Variants in ODAD2 observed in about 807,000 individuals in gnomAD.
The protein encoded by ODAD2 is outer dynein arm-docking complex subunit 2.
ODAD2 carries 89 observed loss-of-function variants against 106.8 expected under a neutral mutation model. The ratio of observed to expected loss-of-function variants is 0.83; its 90% CI spans 0.70 to 0.99. ODAD2 has a LOEUF of 0.99. ODAD2 is among the 50% of genes least tolerant of loss of function. ODAD2 has a pLI of 0.00. For synonymous variants in ODAD2, 404 were observed against 436.2 expected (o/e 0.93, Z 0.92); for missense variants, 1,168 against 1,238.5 (o/e 0.94, Z 0.85).
chr10:27,850,078 A>C (rs538889575), intron 19 of ODAD2, among the ~76,000 whole-genome samples: 3 of 152,326 alleles, frequency 2.0e-5, no homozygotes, highest in African/African-American at 7.2e-5. Flanking sequence ...GTCACATCAT[A>C]TATTGATGGT....
At chr10:27,883,050 C>T (rs995907044) in intron 17 of ODAD2, among the ~76,000 whole-genome samples, 1 of 151,792 alleles carries the variant, frequency 6.6e-6, no homozygotes, top group Non-Finnish European at 1.5e-5. Context: ...ACAACACATT[C>T]CTGGGAATCT....
intron 10 of ODAD2, among the ~76,000 whole-genome samples, chr10:27,956,680 T>C (rs1847758388): frequency 6.6e-6 from 1 of 152,160 alleles, no homozygotes; most frequent in Admixed American, 6.5e-5. Flanking sequence ...CTTCTCAATG[T>C]TTTACTGGAT....
At chr10:27,954,727 G>T (rs1309733349) in intron 10 of ODAD2, among the ~76,000 whole-genome samples, 1 of 152,216 alleles carries the variant, frequency 6.6e-6, no homozygotes, top group Admixed American at 6.5e-5. Context: ...AAAGTTTAAA[G>T]CTCAAAAATT....
At chr10:27,822,129 C>A (rs1346100056) in intron 19 of ODAD2, among the ~76,000 whole-genome samples, 1 of 152,156 alleles carries the variant, frequency 6.6e-6, no homozygotes, top group Non-Finnish European at 1.5e-5. Context: ...AAGGTTCATG[C>A]CCTCGGCATG....
In ODAD2 at chr10:27,940,594, A is replaced by G. The variant is rs1228503693; in HGVS notation, c.1955T>C (p.Val652Ala). ...TGCACACTCTTGCAATGTCCCCACC[A>G]CTGGAATTAGCATGTTTTCATGAGA... The part of the protein sequence containing the change: ...KTSHENMLIP[V>A]VGTLQECASE... The change falls in exon 13 of 20, where the codon GTG becomes GCG. Residue 652 changes from valine to alanine, a missense_variant. Val to Ala is a moderately conservative substitution (Grantham distance 64, BLOSUM62 0). This residue lies in a region of ODAD2 where 701 missense variants were observed against 712.3 expected (regional missense o/e 0.98). Transcript: ENST00000305242. 1 of 1,613,964 alleles carries G rather than the reference A, an allele frequency of 6.2e-7. No homozygotes were observed. Among genetic ancestry groups the G allele is most frequent in the Admixed American group, 1.7e-5 (1 of 59,990 alleles).
At chr10:27,963,835 T>C (rs896840458) in intron 9 of ODAD2, among the ~76,000 whole-genome samples, 9 of 152,004 alleles carry the variant, frequency 5.9e-5, no homozygotes, top group African/African-American at 2.2e-4. Context: ...GCCACAAGAG[T>C]TCCGGACAAC....
intron 19 of ODAD2, among the ~76,000 whole-genome samples, chr10:27,858,752 T>C (rs527829337): frequency 6.6e-5 from 10 of 152,134 alleles, no homozygotes; most frequent in Non-Finnish European, 1.5e-4. Context: ...GCGAGTTGCA[T>C]ATACACCAGG....
At chr10:27,870,235 C>T (rs892425240) in intron 17 of ODAD2, among the ~76,000 whole-genome samples, 5 of 152,150 alleles carry the variant, frequency 3.3e-5, no homozygotes, top group Admixed American at 6.5e-5. Flanking sequence ...CTTTTCTCTC[C>T]CAATCTCAAT....
At chr10:27,819,608 C>T (rs571415550) in intron 19 of ODAD2, among the ~76,000 whole-genome samples, 1 of 141,114 alleles carries the variant, frequency 7.1e-6, no homozygotes, top group Non-Finnish European at 1.5e-5. Context: ...AAAAGTTAAC[C>T]AGACATAGGT....
At chr10:27,873,958 T>A (rs1246295835) in intron 17 of ODAD2, among the ~76,000 whole-genome samples, 1 of 152,216 alleles carries the variant, frequency 6.6e-6, no homozygotes, top group Non-Finnish European at 1.5e-5. Context: ...CAGTGGGGTG[T>A]TAAAGTCTCC....
chr10:27,916,936 C>A (rs1173504792), intron 16 of ODAD2, among the ~76,000 whole-genome samples: 1 of 152,012 alleles, frequency 6.6e-6, no homozygotes, highest in Non-Finnish European at 1.5e-5. Context: ...AATCTACAAT[C>A]ATGATTGAAA....
Position 27,995,921 on chromosome 10 carries a change from G to GA in ODAD2, c.-38-742dup. Among the ~76,000 whole-genome samples, 3 of 152,260 alleles carry GA rather than the reference G, an allele frequency of 2.0e-5. No individual in the cohort carries two copies. The South Asian group carries it at 6.2e-4, about 32-fold the overall frequency. On this transcript the variant is annotated intron_variant, in intron 1 of 19. Coordinates refer to ENST00000305242, the MANE Select transcript of ODAD2 (RefSeq NM_018076.5). ...TTAAGAGTTAATGTGAGAGATGTAG[G>GA]AATAAGTGAGACTCTTTCAGCCTTT...
At position 27,940,748 on chromosome 10, in the gene ODAD2, C is replaced by T. The variant is rs777609514; in HGVS notation, c.1801G>A (p.Glu601Lys). 30 of 1,614,022 alleles carry T rather than the reference C, an allele frequency of 1.9e-5. No individual in the cohort carries two copies. The highest frequency in any genetic ancestry group is 2.3e-5 in the Non-Finnish European group (27 of 1,180,018). Reference sequence around the variant, plus strand: ...CGAGCCACTTCCACGTCTCTGGCCTCATACAGACTCGATTGGGCAGGTTTT... The same window carrying T: ...CGAGCCACTTCCACGTCTCTGGCCTTATACAGACTCGATTGGGCAGGTTTT... ...STKPAQSSLY[E>K]ARDVEVARCG... is the part of the protein sequence containing the mutation. Residue 601 changes from glutamate (E) to lysine (K), a missense_variant, in exon 13 of 20, where the codon GAG becomes AAG. Physicochemically the swap from Glu to Lys is moderately conservative, Grantham distance 56 (BLOSUM62 1). Coordinates refer to ENST00000305242, the MANE Select transcript of ODAD2 (RefSeq NM_018076.5).
chr10:27,815,412 A>G (rs964347806), intron 19 of ODAD2, among the ~76,000 whole-genome samples: 1 of 152,096 alleles, frequency 6.6e-6, no homozygotes, highest in African/African-American at 2.4e-5. Context: ...TGGAATTCCT[A>G]TCTCCAGTCT....
chr10:27,907,317 C>T (rs77552996), intron 17 of ODAD2, among the ~76,000 whole-genome samples: 20,750 of 152,112 alleles, frequency 0.14, 1,565 homozygotes, highest in Non-Finnish European at 0.16. Flanking sequence ...CCCATGGCTG[C>T]ACTCTCTCTG....
intron 2 of ODAD2, among the ~76,000 whole-genome samples, chr10:27,992,148 C>T (rs1350063664): frequency 6.6e-6 from 1 of 152,130 alleles, no homozygotes; most frequent in Non-Finnish European, 1.5e-5. Context: ...TACACTTTGC[C>T]TTCTTCAAGG....
chr10:27,910,076 A>T (rs1843891878), intron 16 of ODAD2, among the ~76,000 whole-genome samples: 1 of 151,810 alleles, frequency 6.6e-6, no homozygotes, highest in African/African-American at 2.4e-5. Flanking sequence ...AGTCTTTACC[A>T]TTTCATATCA....
intron 12 of ODAD2, 102 bp downstream of exon 12, chr10:27,944,120 C>G (rs1335155506): frequency 2.0e-6 from 2 of 1,015,760 alleles, no homozygotes; most frequent in African/African-American, 1.6e-5. Flanking sequence ...GGAACACGCT[C>G]TCATGGCTAT....
At chr10:27,840,612 G>A (rs1838241534) in intron 19 of ODAD2, among the ~76,000 whole-genome samples, 1 of 152,114 alleles carries the variant, frequency 6.6e-6, no homozygotes, top group Admixed American at 6.6e-5. Flanking sequence ...AAAATATGTG[G>A]CCTCCTTGGG....
Sources: gnomAD v4.1 joint callset for allele counts (sites outside exome capture counted in the v4.1 genomes callset) on GRCh38, gnomAD v4.1.1 for gene constraint, gnomAD v4.1.1 regional missense constraint, MANE v1.5 for transcripts, NCBI Gene and HGNC (gene_info 2026-07-23, HGNC 2026-07-21) for gene names.